The following APBB1IP variants were observed in gnomAD, a reference collection of about 807,000 sequenced individuals.
APBB1IP encodes the protein amyloid beta A4 precursor protein-binding family B member 1-interacting protein.
In APBB1IP, 27 loss-of-function variants were observed where a neutral mutation model predicts 64.9. The observed-to-expected ratio is 0.42, with a 90% CI of 0.31 to 0.57. The LOEUF is 0.57. APBB1IP is among the 20% of genes least tolerant of loss of function. The probability of loss-of-function intolerance (pLI) is 0.20; values close to 1 mark genes in which losing one functional copy is unlikely to be tolerated. For missense variants in APBB1IP, 812 were observed against 845.5 expected (o/e 0.96, Z 0.49); for synonymous variants, 392 against 331.0 (o/e 1.18, Z -2.00).
At chr10:26,514,462 T>C (rs1426559725) in intron 8 of APBB1IP, among the ~76,000 whole-genome samples, 2 of 152,234 alleles carry the variant, frequency 1.3e-5, no homozygotes, top group East Asian at 1.9e-4. Flanking sequence ...TAAATTTATA[T>C]TTGTTCTTCT....
chr10:26,509,256 A>C (rs538289581), intron 6 of APBB1IP, among the ~76,000 whole-genome samples: 38 of 152,304 alleles, frequency 2.5e-4, no homozygotes, highest in African/African-American at 8.2e-4. Flanking sequence ...AAAAGCAACT[A>C]TCCAACTACA....
At chr10:26,515,009 C>G (rs779856772) in intron 8 of APBB1IP, among the ~76,000 whole-genome samples, 1 of 150,760 alleles carries the variant, frequency 6.6e-6, no homozygotes, top group African/African-American at 2.4e-5. Context: ...GTAGCTGGGA[C>G]TACAGGCGCA....
intron 8 of APBB1IP, among the ~76,000 whole-genome samples, chr10:26,515,754 C>G (rs1001303567): frequency 1.3e-5 from 2 of 151,816 alleles, no homozygotes; most frequent in African/African-American, 4.9e-5. Context: ...TAGGCTGGAT[C>G]AGATATTACC....
intron 11 of APBB1IP, among the ~76,000 whole-genome samples, chr10:26,551,660 C>T (rs1236350255): frequency 6.6e-6 from 1 of 152,126 alleles, no homozygotes; most frequent in East Asian, 1.9e-4. Flanking sequence ...GAATTCCGCC[C>T]CGTCGCTCAC....
intron 8 of APBB1IP, among the ~76,000 whole-genome samples, chr10:26,519,383 G>A (rs1836374220): frequency 6.6e-6 from 1 of 152,300 alleles, no homozygotes; most frequent in African/African-American, 2.4e-5. Context: ...GAGGCCTCAG[G>A]AAACTTTCAA....
chr10:26,483,593 C>G (rs1425630044), intron 2 of APBB1IP, among the ~76,000 whole-genome samples: 1 of 152,210 alleles, frequency 6.6e-6, no homozygotes, highest in African/African-American at 2.4e-5. Flanking sequence ...GGTAGACAGA[C>G]AGGTAGCAAC....
intron 2 of APBB1IP, among the ~76,000 whole-genome samples, chr10:26,485,940 G>A (rs1248188195): frequency 2.0e-5 from 3 of 151,970 alleles, no homozygotes; most frequent in African/African-American, 4.8e-5. Flanking sequence ...AAACATCAAG[G>A]GTCCTGAGGC....
intron 2 of APBB1IP, among the ~76,000 whole-genome samples, chr10:26,453,973 A>T (rs867156596): frequency 7.2e-5 from 11 of 152,358 alleles, no homozygotes; most frequent in Middle Eastern, 3.4e-3. Context: ...TTCCATCAAC[A>T]GGTGAATGGG....
At chr10:26,493,286 C>T (rs537141345) in intron 3 of APBB1IP, among the ~76,000 whole-genome samples, 9 of 152,160 alleles carry the variant, frequency 5.9e-5, no homozygotes, top group South Asian at 4.2e-4. Context: ...GTGCAGTTAA[C>T]GCAATCATCA....
intron 2 of APBB1IP, among the ~76,000 whole-genome samples, chr10:26,476,356 A>G (rs1399787755): frequency 1.4e-5 from 2 of 146,156 alleles, no homozygotes; most frequent in African/African-American, 5.0e-5. Flanking sequence ...CTGAAGCAGG[A>G]GGATTGCTTC....
At chr10:26,543,939 C>T (rs1462068099) in intron 11 of APBB1IP, among the ~76,000 whole-genome samples, 1 of 152,206 alleles carries the variant, frequency 6.6e-6, no homozygotes, top group Non-Finnish European at 1.5e-5. Flanking sequence ...TTCTGCTCCT[C>T]GCCCCTCCTT....
chr10:26,487,646 C>T (rs959158998), intron 2 of APBB1IP, among the ~76,000 whole-genome samples: 4 of 152,070 alleles, frequency 2.6e-5, no homozygotes, highest in Admixed American at 6.6e-5. Context: ...CACGAGAACG[C>T]GCTGTTGTTT....
In APBB1IP at chr10:26,533,453, T is replaced by C. The variant is rs776723270; in HGVS notation, c.828T>C (p.Asp276=). 75 of 1,596,186 alleles carry C rather than the reference T, an allele frequency of 4.7e-5. No individual in the cohort carries two copies. The South Asian group carries it at 7.9e-4, about 17-fold the overall frequency. The change falls in exon 9 of 15, where the codon GAT becomes GAC. Residue 276 remains aspartate (D), a synonymous_variant. Transcript: ENST00000376236. ...VFKNPQNFYL[D]NRGKKESKET... Reference sequence around the variant, plus strand: ...ATTTTATTTAGAATTTCTACTTGGATAACAGAGGAAAAAAAGAAAGCAAGG... The same window carrying C: ...ATTTTATTTAGAATTTCTACTTGGACAACAGAGGAAAAAAAGAAAGCAAGG...
At chr10:26,472,634 A>T (rs552912851) in intron 2 of APBB1IP, among the ~76,000 whole-genome samples, 7 of 152,052 alleles carry the variant, frequency 4.6e-5, no homozygotes, top group Middle Eastern at 3.2e-3. Context: ...ATGATGCATT[A>T]AATGTTGAAA....
At chr10:26,557,974 C>G (rs1433350259) in intron 11 of APBB1IP, among the ~76,000 whole-genome samples, 2 of 152,100 alleles carry the variant, frequency 1.3e-5, no homozygotes, top group Admixed American at 1.3e-4. Context: ...GGACAGCTTC[C>G]CTCCTTTCCT....
intron 11 of APBB1IP, among the ~76,000 whole-genome samples, chr10:26,551,174 G>A (rs953211337): frequency 1.3e-5 from 2 of 152,202 alleles, no homozygotes; most frequent in African/African-American, 2.4e-5. Context: ...TTGTCCACCT[G>A]GCTGCTGCTA....
intron 8 of APBB1IP, among the ~76,000 whole-genome samples, chr10:26,532,822 T>C (rs2132462763): frequency 6.6e-6 from 1 of 152,310 alleles, no homozygotes; most frequent in African/African-American, 2.4e-5. Flanking sequence ...CCTGTCTTTG[T>C]TTAGGCTGGT....
intron 6 of APBB1IP, 111 bp downstream of exon 6, chr10:26,503,385 C>T (rs1836130774): frequency 1.0e-6 from 1 of 1,003,988 alleles, no homozygotes. Context: ...CCTGTAATCC[C>T]AGCACTTTGG....
At chr10:26,521,854 G>T (rs1401225501) in intron 8 of APBB1IP, among the ~76,000 whole-genome samples, 1 of 152,140 alleles carries the variant, frequency 6.6e-6, no homozygotes, top group Non-Finnish European at 1.5e-5. Flanking sequence ...AGGTTCAAGC[G>T]ATTCTCCTGC....
Sources: gnomAD v4.1 joint callset for allele counts (sites outside exome capture counted in the v4.1 genomes callset) on GRCh38, gnomAD v4.1.1 for gene constraint, MANE v1.5 for transcripts, NCBI Gene and HGNC (gene_info 2026-07-23, HGNC 2026-07-21) for gene names.